Variants in RABGAP1L observed in about 807,000 individuals in gnomAD.
The protein encoded by RABGAP1L is RAB GTPase activating protein 1 like.
RABGAP1L carries 63 observed loss-of-function variants against 137.7 expected under a neutral mutation model. That is an observed-to-expected ratio of 0.46 (90% confidence interval 0.37 to 0.56). RABGAP1L has a LOEUF of 0.56. Ranked by LOEUF, RABGAP1L falls within the 20% of genes least tolerant of loss-of-function variation. The probability of loss-of-function intolerance (pLI) is 0.00; values close to 1 mark genes in which losing one functional copy is unlikely to be tolerated. For synonymous variants in RABGAP1L, 431 were observed against 433.7 expected, an observed-to-expected ratio of 0.99 and a Z score of 0.08; for missense variants, 1,095 against 1,244.0, an observed-to-expected ratio of 0.88 and a Z score of 1.80.
chr1:174,271,331 G>GTCT (rs1674541709), intron 7 of RABGAP1L, among the ~76,000 whole-genome samples: 3 of 152,096 alleles, frequency 2.0e-5, no homozygotes, highest in African/African-American at 4.8e-5. Flanking sequence ...GTCAGCATTA[G>GTCT]CCATGATACT....
At chr1:174,885,912 A>T (rs1655023515) in intron 19 of RABGAP1L, among the ~76,000 whole-genome samples, 1 of 151,422 alleles carries the variant, frequency 6.6e-6, no homozygotes, top group African/African-American at 2.4e-5. Flanking sequence ...GCTTGCAGTG[A>T]GCCGAGATCG....
intron 13 of RABGAP1L, among the ~76,000 whole-genome samples, chr1:174,632,898 A>G (rs938040011): frequency 8.6e-4 from 130 of 151,988 alleles, no homozygotes; most frequent in African/African-American, 2.7e-3. Context: ...CAGCTCGTCA[A>G]AATCATTCTC....
chr1:174,376,132 T>G (rs1282154152), intron 12 of RABGAP1L, among the ~76,000 whole-genome samples: 2 of 122,526 alleles, frequency 1.6e-5, no homozygotes, highest in Admixed American at 9.6e-5. Context: ...CAGAGAGAGA[T>G]AGAGAAAGAG....
intron 5 of RABGAP1L, among the ~76,000 whole-genome samples, chr1:174,248,526 T>C (rs1451459313): frequency 6.6e-6 from 1 of 152,220 alleles, no homozygotes; most frequent in Non-Finnish European, 1.5e-5. Flanking sequence ...AGTTGAACTT[T>C]AGACTGGCAG....
At chr1:174,657,808 A>G (rs1275640859) in intron 14 of RABGAP1L, among the ~76,000 whole-genome samples, 1 of 151,588 alleles carries the variant, frequency 6.6e-6, no homozygotes, top group Non-Finnish European at 1.5e-5. Flanking sequence ...TTTTTAGGAA[A>G]CTCCATACTG....
intron 19 of RABGAP1L, 29 bp downstream of exon 19, chr1:174,811,989 G>A: frequency 6.4e-7 from 1 of 1,552,068 alleles, no homozygotes; most frequent in South Asian, 1.3e-5. Context: ...ATATAATAAA[G>A]GTAAAATATG....
intron 13 of RABGAP1L, among the ~76,000 whole-genome samples, chr1:174,554,342 T>G (rs974813585): frequency 6.6e-6 from 1 of 152,214 alleles, no homozygotes; most frequent in South Asian, 2.1e-4. Context: ...TTACCTCCCT[T>G]TTAAAGGAAG....
chr1:174,702,067 G>C (rs1470826930), intron 16 of RABGAP1L, 46 bp from the exon 17 acceptor site: 2 of 1,573,034 alleles, frequency 1.3e-6, no homozygotes, highest in Middle Eastern at 1.7e-4. Flanking sequence ...TCATTGTTCT[G>C]CTGCAAGCTT....
chr1:174,616,425 G>A (rs943763056), intron 13 of RABGAP1L, among the ~76,000 whole-genome samples: 5 of 152,208 alleles, frequency 3.3e-5, no homozygotes, highest in Non-Finnish European at 5.9e-5. Flanking sequence ...TACCCTGCCT[G>A]CTTCTCTAAT....
At chr1:174,496,157 GA>G (rs1453467459) in intron 13 of RABGAP1L, among the ~76,000 whole-genome samples, 3 of 152,096 alleles carry the variant, frequency 2.0e-5, no homozygotes, top group African/African-American at 7.2e-5. Context: ...AACAAAATTT[GA>G]AAATCTGTAC....
rs138938959 is a variant in RABGAP1L at position 174,860,762 on chromosome 1, G to A, written c.2340+48802G>A. ...TATAGTAAAGAACAAAGTTTTTAGG[G>A]ATCTAATAGTTTCTTTCCTTCCCAA... On this transcript the variant is annotated intron_variant, in intron 19 of 25. Coordinates refer to ENST00000681986, the MANE Select transcript of RABGAP1L (RefSeq NM_001366446.1). Among the ~76,000 whole-genome samples the A allele has an allele frequency of 1.5e-3, 231 of 152,206 alleles. 2 individuals carry two copies. The highest frequency in any genetic ancestry group is 5.3e-3 in the African/African-American group (219 of 41,552).
chr1:174,289,593 A>C (rs2148713030), intron 10 of RABGAP1L, among the ~76,000 whole-genome samples: 1 of 152,302 alleles, frequency 6.6e-6, no homozygotes, highest in East Asian at 1.9e-4. Context: ...CAATTTAGGA[A>C]GTGATCACCT....
At chr1:174,175,290 T>C (rs1665740579) in intron 1 of RABGAP1L, among the ~76,000 whole-genome samples, 1 of 152,180 alleles carries the variant, frequency 6.6e-6, no homozygotes, top group Non-Finnish European at 1.5e-5. Flanking sequence ...GCATGAACCA[T>C]GTCGTCTTTT....
At chr1:174,811,806 G>T in intron 18 of RABGAP1L, 26 bp from the exon 19 acceptor site, 1 of 1,517,356 alleles carries the variant, frequency 6.6e-7, no homozygotes, top group East Asian at 2.4e-5. Flanking sequence ...GAAATGTAAT[G>T]ACGATTCTTG....
At chr1:174,600,289 G>T (rs920188193) in intron 13 of RABGAP1L, among the ~76,000 whole-genome samples, 1 of 152,154 alleles carries the variant, frequency 6.6e-6, no homozygotes, top group Non-Finnish European at 1.5e-5. Context: ...AGATTTGAAT[G>T]GGGAGACAGC....
intron 18 of RABGAP1L, among the ~76,000 whole-genome samples, chr1:174,803,910 T>C (rs1004750457): frequency 6.6e-6 from 1 of 151,990 alleles, no homozygotes; most frequent in Non-Finnish European, 1.5e-5. Context: ...CCATCTCTCC[T>C]AAAAATACAA....
At chr1:174,773,378 T>C (rs1573122621) in intron 18 of RABGAP1L, among the ~76,000 whole-genome samples, 1 of 151,996 alleles carries the variant, frequency 6.6e-6, no homozygotes, top group Admixed American at 6.6e-5. Flanking sequence ...AATAAACAAA[T>C]AAATAAATAA....
intron 19 of RABGAP1L, among the ~76,000 whole-genome samples, chr1:174,882,184 T>A (rs1201846570): frequency 6.6e-6 from 1 of 152,200 alleles, no homozygotes; most frequent in African/African-American, 2.4e-5. Context: ...CTTGCTAACT[T>A]ATAAAATCCT....
intron 10 of RABGAP1L, among the ~76,000 whole-genome samples, chr1:174,290,791 C>T (rs181363523): frequency 7.0e-5 from 10 of 142,132 alleles, no homozygotes; most frequent in African/African-American, 1.6e-4. Context: ...GACTGAGTTT[C>T]GCTCCTGTTG....
Sources: allele counts gnomAD v4.1 joint callset (sites outside exome capture counted in the v4.1 genomes callset), GRCh38; gene constraint gnomAD v4.1.1; transcripts MANE v1.5; gene names NCBI Gene and HGNC (gene_info 2026-07-23, HGNC 2026-07-21).